USP30: variants seen among roughly 807,000 people sequenced by gnomAD.
USP30 encodes the protein ubiquitin carboxyl-terminal hydrolase 30.
A neutral mutation model predicts 68.2 loss-of-function variants in USP30; 41 were observed. That is an observed-to-expected ratio of 0.60 (90% CI 0.47 to 0.78). The LOEUF is 0.78. USP30 is among the 30% of genes least tolerant of loss of function. USP30 has a pLI of 0.00. For synonymous variants in USP30, 229 were observed against 253.7 expected (o/e 0.90, Z 0.93); for missense variants, 522 against 649.4 (o/e 0.80, Z 2.13).
Position 109,086,867 on chromosome 12 carries a change from G to A in USP30, c.*936G>A, listed in dbSNP as rs1382217934. The A allele has an allele frequency of 1.3e-5, 2 of 152,218 alleles. No individual in the cohort carries two copies. The highest frequency in any genetic ancestry group is 1.3e-4 in the Admixed American group (2 of 15,266). 9.4% of individuals were successfully genotyped at this position (152,218 alleles called of 1,614,324 possible). On this transcript the variant is annotated 3_prime_UTR_variant, in exon 13 of 13. Coordinates refer to ENST00000257548, the MANE Select transcript of USP30 (RefSeq NM_032663.5). Reference sequence around the variant, plus strand: ...TAATCCCTGCCCTGAGTTGACACCTGGCTTAGGAAGGAAGGGCTGACTATG... The same window carrying A: ...TAATCCCTGCCCTGAGTTGACACCTAGCTTAGGAAGGAAGGGCTGACTATG...
chr12:109,059,681 T>C (rs1360895025), intron 3 of USP30, among the ~76,000 whole-genome samples: 1 of 152,050 alleles, frequency 6.6e-6, no homozygotes, highest in Non-Finnish European at 1.5e-5. Context: ...GCCCGGCTAA[T>C]GTTTGTATTT....
At chr12:109,043,070 A>G (rs999467190) in intron 3 of USP30, among the ~76,000 whole-genome samples, 1 of 152,218 alleles carries the variant, frequency 6.6e-6, no homozygotes, top group African/African-American at 2.4e-5. Context: ...TACAATGAAA[A>G]TCACAAAATA....
chr12:109,077,803 CT>C (rs926006822), intron 7 of USP30, among the ~76,000 whole-genome samples: 3 of 149,698 alleles, frequency 2.0e-5, no homozygotes, highest in African/African-American at 7.4e-5. Flanking sequence ...GGCCTTTTAG[CT>C]TTACTCTTGT....
chr12:109,074,484 T>A (rs1213813555), intron 7 of USP30, among the ~76,000 whole-genome samples: 1 of 152,206 alleles, frequency 6.6e-6, no homozygotes, highest in Admixed American at 6.5e-5. Flanking sequence ...CATTTTTCAT[T>A]CCCACCGGCA....
intron 3 of USP30, among the ~76,000 whole-genome samples, chr12:109,067,307 C>CG (rs2041288679): frequency 6.6e-6 from 1 of 151,230 alleles, no homozygotes; most frequent in African/African-American, 2.4e-5. Flanking sequence ...TTAGTGGAGA[C>CG]GGAGTTTCAC....
At chr12:109,075,841 C>CTTTTTTTTTTTTTTT (rs34221615) in intron 7 of USP30, among the ~76,000 whole-genome samples, 2 of 119,686 alleles carry the variant, frequency 1.7e-5, no homozygotes, top group Admixed American at 8.5e-5. Context: ...GTTACTTTTT[C>CTTTTTTTTTTTTTTT]TTTTTTTTTT....
intron 1 of USP30, among the ~76,000 whole-genome samples, chr12:109,023,930 T>A (rs571120442): frequency 1.3e-5 from 2 of 151,812 alleles, no homozygotes; most frequent in South Asian, 4.2e-4. Context: ...CCACCGCGAC[T>A]GGCCAATCAG....
chr12:109,084,243 A>G (rs1049619190), intron 11 of USP30, among the ~76,000 whole-genome samples: 2 of 152,202 alleles, frequency 1.3e-5, no homozygotes, highest in Non-Finnish European at 2.9e-5. Flanking sequence ...CACACAAAAA[A>G]TGTCATCAGG....
rs371443722 is a variant in USP30 at position 109,028,472 on chromosome 12, G to T, written c.-136+916G>T. ...CACCCTTTTTTTTTTCTGTTTTTTT[G>T]TTGTTGTTGTTGTTTTTGTTTTGAG... On this transcript the variant is annotated intron_variant, in intron 3 of 15. Transcript: ENST00000392784. Among the ~76,000 whole-genome samples the T allele has an allele frequency of 4.4e-3, 670 of 151,000 alleles. 2 individuals carry two copies. Among genetic ancestry groups the T allele is most frequent in the African/African-American group, 9.3e-3 (384 of 41,108 alleles).
chr12:109,057,039 G>A (rs1273234403), intron 2 of USP30, among the ~76,000 whole-genome samples: 2 of 152,112 alleles, frequency 1.3e-5, no homozygotes, highest in African/African-American at 4.8e-5. Flanking sequence ...AATGTCAAGC[G>A]GCATAATTGT....
In USP30 at chr12:109,052,665, C is replaced by G; in HGVS notation, c.-14C>G. ...TAGCGGAGGAGACGGTTTCAGGCCT[C>G]CGGTGCGGCTGCAATGCTGAGCTCC... On this transcript the variant is annotated 5_prime_UTR_variant, in exon 1 of 13. Transcript: ENST00000257548. 6.7e-7 allele frequency: 1 copy of G among 1,501,476 alleles called. No homozygotes were observed. Among genetic ancestry groups the G allele is most frequent in the Non-Finnish European group, 8.8e-7 (1 of 1,130,924 alleles). 93.0% of individuals were successfully genotyped at this position (1,501,476 alleles called of 1,614,324 possible).
intron 6 of USP30, among the ~76,000 whole-genome samples, chr12:109,072,878 A>G (rs1165722492): frequency 1.3e-5 from 2 of 152,226 alleles, no homozygotes; most frequent in Non-Finnish European, 2.9e-5. Context: ...TAATGGGATA[A>G]TAACTATCCC....
intron 7 of USP30, among the ~76,000 whole-genome samples, chr12:109,079,396 C>T (rs531879818): frequency 1.6e-4 from 13 of 83,306 alleles, no homozygotes; most frequent in Non-Finnish European, 2.4e-4. Context: ...GGGGTCTTAG[C>T]TCTGTCACCG....
chr12:109,060,604 C>T (rs1201789936), intron 3 of USP30, among the ~76,000 whole-genome samples: 9 of 152,014 alleles, frequency 5.9e-5, no homozygotes, highest in East Asian at 5.8e-4. Context: ...TCTTTGAGGC[C>T]GAAGCAAATC....
At chr12:109,057,260 C>T (rs1485160149) in intron 2 of USP30, among the ~76,000 whole-genome samples, 1 of 151,646 alleles carries the variant, frequency 6.6e-6, no homozygotes, top group African/African-American at 2.4e-5. Context: ...TAAAATTCAG[C>T]AAAGAAAGAA....
intron 3 of USP30, among the ~76,000 whole-genome samples, chr12:109,066,684 CA>C (rs915478486): frequency 2.7e-5 from 4 of 150,336 alleles, no homozygotes; most frequent in African/African-American, 2.4e-5. Context: ...GACTCTGTTT[CA>C]AAAAAAAAGA....
At chr12:109,078,511 A>C (rs2041681765) in intron 7 of USP30, among the ~76,000 whole-genome samples, 1 of 151,786 alleles carries the variant, frequency 6.6e-6, no homozygotes, top group Non-Finnish European at 1.5e-5. Context: ...AGGCAGGAGA[A>C]TTGCTTGAAC....
upstream of USP30, chr12:109,052,561 C>T (rs960167720): frequency 1.3e-5 from 14 of 1,054,006 alleles, no homozygotes; most frequent in East Asian, 3.3e-5. Flanking sequence ...TACGTTCCCC[C>T]GAGGTGCTGG....
chr12:109,084,568 C>T (rs891820231), intron 11 of USP30, among the ~76,000 whole-genome samples: 7 of 152,190 alleles, frequency 4.6e-5, no homozygotes, highest in Non-Finnish European at 1.0e-4. Context: ...ATGCACAGGA[C>T]AGCCCCCGCA....
Sources: gnomAD v4.1 joint callset for allele counts (sites outside exome capture counted in the v4.1 genomes callset) on GRCh38, gnomAD v4.1.1 for gene constraint, MANE v1.5 for transcripts, NCBI Gene and HGNC (gene_info 2026-07-23, HGNC 2026-07-21) for gene names.